RAPGEF2: variants seen among roughly 807,000 people sequenced by gnomAD.
RAPGEF2 encodes Rap guanine nucleotide exchange factor 2, also known as PDZ domain containing guanine nucleotide exchange factor (GEF) 1.
Under a neutral mutation model 186.7 loss-of-function variants are expected in RAPGEF2, and 54 were observed. That is an observed-to-expected ratio of 0.29 (90% CI 0.23 to 0.36). RAPGEF2 has a LOEUF of 0.36. Ranked by LOEUF, RAPGEF2 falls within the 10% of genes least tolerant of loss-of-function variation. The pLI, the probability that RAPGEF2 is intolerant of heterozygous loss-of-function variation, is 1.00. For synonymous variants in RAPGEF2, 712 were observed against 705.9 expected (o/e 1.01, Z -0.14); for missense variants, 1,532 against 2,045.0 (o/e 0.75, Z 4.84).
At chr4:159,196,901 T>A (rs928512608) in intron 3 of RAPGEF2, among the ~76,000 whole-genome samples, 5 of 152,226 alleles carry the variant, frequency 3.3e-5, no homozygotes, top group African/African-American at 1.2e-4. Context: ...CTGATAAGAT[T>A]GCATTTTTAA....
intron 1 of RAPGEF2, among the ~76,000 whole-genome samples, chr4:159,158,274 A>C (rs1297471621): frequency 6.6e-6 from 1 of 152,190 alleles, no homozygotes; most frequent in Non-Finnish European, 1.5e-5. Flanking sequence ...TTTATCTTTC[A>C]TTGTTCTCCT....
chr4:159,130,841 C>T (rs1740966990), intron 1 of RAPGEF2, among the ~76,000 whole-genome samples: 1 of 151,760 alleles, frequency 6.6e-6, no homozygotes, highest in Non-Finnish European at 1.5e-5. Context: ...TCCCAAGTAG[C>T]TGGGACCATA....
chr4:159,133,028 T>TA (rs1001768849), intron 1 of RAPGEF2, among the ~76,000 whole-genome samples: 3 of 152,022 alleles, frequency 2.0e-5, no homozygotes, highest in African/African-American at 7.2e-5. Flanking sequence ...TCCCAAAAAT[T>TA]AAAAAAATTC....
intron 7 of RAPGEF2, among the ~76,000 whole-genome samples, chr4:159,251,950 C>T (rs1256526448): frequency 2.0e-5 from 3 of 152,022 alleles, no homozygotes; most frequent in Admixed American, 6.5e-5. Flanking sequence ...TAACACTCAC[C>T]GCGGAGGTCT....
At chr4:159,223,731 GA>G (rs1751754065) in intron 4 of RAPGEF2, among the ~76,000 whole-genome samples, 1 of 152,106 alleles carries the variant, frequency 6.6e-6, no homozygotes, top group Non-Finnish European at 1.5e-5. Flanking sequence ...TGCCATGATG[GA>G]TATAGTCCAA....
chr4:159,193,206 G>T lies in RAPGEF2; in HGVS notation c.147G>T (p.Met49Ile). ...SNLREHQLRL[M>I]CETVRYERHE... is the part of the protein sequence containing the mutation. ...GTTTTTATCTCTTTTACAGGTTAAT[G>T]TGTGAAACTGTGAGATATGAGAGAC... The change falls in exon 3 of 30, where the codon ATG becomes ATT. Residue 49 changes from methionine (M) to isoleucine (I), a missense_variant. Coordinates refer to ENST00000691494, the MANE Select transcript of RAPGEF2 (RefSeq NM_001394067.2). 1 of 1,499,734 alleles carries T rather than the reference G, an allele frequency of 6.7e-7. No homozygotes were observed. Among genetic ancestry groups the T allele is most frequent in the African/African-American group, 1.4e-5 (1 of 71,648 alleles). The allele number at this position is 1,499,734 out of a possible 1,614,324, so 92.9% of individuals were successfully genotyped here. A position where few individuals can be genotyped will look rare whatever the true frequency, so the allele number is the denominator to read the frequency against.
At chr4:159,262,105 T>C (rs1159458723) in intron 7 of RAPGEF2, among the ~76,000 whole-genome samples, 1 of 152,204 alleles carries the variant, frequency 6.6e-6, no homozygotes, top group Non-Finnish European at 1.5e-5. Flanking sequence ...TTTTGAAGTT[T>C]ATGTGGAATC....
At chr4:159,260,085 C>A (rs2110735987) in intron 7 of RAPGEF2, among the ~76,000 whole-genome samples, 1 of 152,178 alleles carries the variant, frequency 6.6e-6, no homozygotes, top group South Asian at 2.1e-4. Context: ...GCAGCCTTGA[C>A]CTCCCAGGCT....
chr4:159,222,140 G>A (rs964827307), intron 4 of RAPGEF2, among the ~76,000 whole-genome samples: 1 of 152,086 alleles, frequency 6.6e-6, no homozygotes, highest in Non-Finnish European at 1.5e-5. Flanking sequence ...ATCATATTCC[G>A]ATGTGATACC....
At chr4:159,154,775 G>A (rs1188981252) in intron 1 of RAPGEF2, among the ~76,000 whole-genome samples, 1 of 152,118 alleles carries the variant, frequency 6.6e-6, no homozygotes, top group Non-Finnish European at 1.5e-5. Flanking sequence ...GATAGGATTT[G>A]ATTCTGGATC....
chr4:159,170,999 C>G (rs1745857008), intron 1 of RAPGEF2, among the ~76,000 whole-genome samples: 1 of 152,136 alleles, frequency 6.6e-6, no homozygotes, highest in Admixed American at 6.5e-5. Flanking sequence ...TTTTGAGAAT[C>G]AGTTGACTGT....
At chr4:159,254,731 C>T (rs1755931941) in intron 7 of RAPGEF2, among the ~76,000 whole-genome samples, 1 of 151,918 alleles carries the variant, frequency 6.6e-6, no homozygotes, top group Admixed American at 6.6e-5. Context: ...ATCTCAGCGT[C>T]CCAAGTAGCT....
At chr4:159,257,464 G>T (rs758199943) in intron 7 of RAPGEF2, among the ~76,000 whole-genome samples, 30 of 152,040 alleles carry the variant, frequency 2.0e-4, no homozygotes, top group Non-Finnish European at 4.3e-4. Context: ...GGAAAGACCC[G>T]CCCCATGATT....
chr4:159,140,707 T>C (rs570086070), intron 1 of RAPGEF2, among the ~76,000 whole-genome samples: 1 of 152,266 alleles, frequency 6.6e-6, no homozygotes, highest in South Asian at 2.1e-4. Context: ...CAGCCTGTTA[T>C]TTAGCAGATA....
At chr4:159,287,884 A>G (rs1323503307) in intron 7 of RAPGEF2, among the ~76,000 whole-genome samples, 2 of 152,146 alleles carry the variant, frequency 1.3e-5, no homozygotes, top group Non-Finnish European at 1.5e-5. Flanking sequence ...AGATTATACT[A>G]AATGAATCCT....
chr4:159,353,375 T>C lies in RAPGEF2; in HGVS notation c.4092-112T>C. The C allele has an allele frequency of 3.6e-6, 3 of 828,270 alleles. No homozygotes were observed. The highest frequency in any genetic ancestry group is 1.7e-6 in the Non-Finnish European group (1 of 581,038). 51.3% of individuals were successfully genotyped at this position (828,270 alleles called of 1,614,324 possible). A position where few individuals can be genotyped will look rare whatever the true frequency, so the allele number is the denominator to read the frequency against. On this transcript the variant is annotated intron_variant, in intron 27 of 29. Coordinates refer to ENST00000691494, the MANE Select transcript of RAPGEF2 (RefSeq NM_001394067.2). This position sits in a 1 kb window ranked among gnomAD's most constrained non-coding sequence, Gnocchi z 4.3. ...TTCAGTGCTACTTTTATCCTGTTTC[T>C]GGGATGAAAGCAAGCTACCTTTCTA...
rs761232477 is a variant in RAPGEF2, at chr4:159,345,341, C to T, written c.3502+12C>T. 1.2e-6 allele frequency: 2 copies of T among 1,612,386 alleles called. No individual in the cohort carries two copies. Among genetic ancestry groups the T allele is most frequent in the South Asian group, 2.2e-5 (2 of 91,028 alleles). ...AGCAACCAACACATGTGAGTTTTTC[C>T]TTAAAGTGGCTGCAGACTTTGGCTA... On this transcript the variant is annotated intron_variant, in intron 24 of 29. Coordinates refer to ENST00000691494, the MANE Select transcript of RAPGEF2 (RefSeq NM_001394067.2).
intron 7 of RAPGEF2, among the ~76,000 whole-genome samples, chr4:159,283,222 G>A (rs765149300): frequency 2.6e-5 from 4 of 151,892 alleles, no homozygotes; most frequent in South Asian, 2.1e-4. Context: ...GATAAACGTC[G>A]AATTTTTTTT....
intron 2 of RAPGEF2, among the ~76,000 whole-genome samples, chr4:159,189,922 C>T (rs748513531): frequency 1.3e-5 from 2 of 152,140 alleles, no homozygotes; most frequent in Admixed American, 6.5e-5. Context: ...CCTGACATCA[C>T]GGAACTGAGG....
Sources: allele counts gnomAD v4.1 joint callset (sites outside exome capture counted in the v4.1 genomes callset), GRCh38; gene constraint gnomAD v4.1.1; non-coding constraint Gnocchi (gnomAD v3.1); transcripts MANE v1.5; gene names NCBI Gene and HGNC (gene_info 2026-07-23, HGNC 2026-07-21).